The following PIEZO2 variants were observed in gnomAD, a reference collection of about 807,000 sequenced individuals.
The protein encoded by PIEZO2 is piezo-type mechanosensitive ion channel component 2.
In PIEZO2, 172 loss-of-function variants were observed where a neutral mutation model predicts 337.3. That is an observed-to-expected ratio of 0.51 (90% CI 0.45 to 0.58). PIEZO2 has a LOEUF of 0.58. Ranked by LOEUF, PIEZO2 falls within the 20% of genes least tolerant of loss-of-function variation. The pLI is 0.00. For synonymous variants in PIEZO2, 1,251 were observed against 1,228.5 expected, an observed-to-expected ratio of 1.02 and a Z score of -0.38; for missense variants, 3,028 against 3,391.3, an observed-to-expected ratio of 0.89 and a Z score of 2.66.
chr18:10,880,371 A>C (rs1219918218), intron 4 of PIEZO2, among the ~76,000 whole-genome samples: 1 of 152,194 alleles, frequency 6.6e-6, no homozygotes, highest in Non-Finnish European at 1.5e-5. Context: ...TCACCTTACA[A>C]AGTGACTTCT....
At chr18:10,730,210 A>G (rs1420630370) in intron 36 of PIEZO2, among the ~76,000 whole-genome samples, 3 of 152,214 alleles carry the variant, frequency 2.0e-5, no homozygotes, top group African/African-American at 4.8e-5. Context: ...CTACTTCACA[A>G]TACAACTCAT....
chr18:11,082,512 T>G (rs1483693804), intron 1 of PIEZO2, among the ~76,000 whole-genome samples: 1 of 151,998 alleles, frequency 6.6e-6, no homozygotes, highest in East Asian at 1.9e-4. Context: ...AGAGATGGGG[T>G]TTCACCGTGT....
chr18:11,144,016 CA>C (rs1292667324), intron 1 of PIEZO2, among the ~76,000 whole-genome samples: 3 of 152,192 alleles, frequency 2.0e-5, no homozygotes, highest in African/African-American at 4.8e-5. Flanking sequence ...CACAATCATA[CA>C]GTGAAGGGCA....
In PIEZO2 at chr18:11,092,408, TATCTC is replaced by T. The variant is rs568316406; in HGVS notation, c.65-26191_65-26187del. Among the ~76,000 whole-genome samples the T allele has an allele frequency of 1.0e-3, 157 of 152,346 alleles. No individual in the cohort carries two copies. Among genetic ancestry groups the T allele is most frequent in the African/African-American group, 3.3e-3 (137 of 41,586 alleles). ...AATTTTATTAAGATATGTGAAATGA[TATCTC>T]ATATTTGTTTGAAAAAAGCTATAGT... On this transcript the variant is annotated intron_variant, in intron 1 of 55. Transcript: ENST00000674853. The surrounding 1 kb of genome is among the most constrained non-coding windows in gnomAD (Gnocchi z 4.5).
chr18:10,803,669 T>C (rs907838909), intron 9 of PIEZO2, among the ~76,000 whole-genome samples: 3 of 152,214 alleles, frequency 2.0e-5, no homozygotes, highest in Non-Finnish European at 2.9e-5. Flanking sequence ...CACGGAAATA[T>C]AAAATGATGT....
chr18:11,122,313 C>T (rs112183819), intron 1 of PIEZO2, among the ~76,000 whole-genome samples: 1 of 152,204 alleles, frequency 6.6e-6, no homozygotes, highest in Admixed American at 6.5e-5. Context: ...CATTGATAGA[C>T]ATTATCAAGA....
At chr18:11,024,104 G>C (rs891956037) in intron 2 of PIEZO2, among the ~76,000 whole-genome samples, 10 of 152,338 alleles carry the variant, frequency 6.6e-5, no homozygotes, top group South Asian at 4.1e-4. Context: ...ACAGTGCAGC[G>C]GTGAGCTGAA....
In PIEZO2 at chr18:10,786,934, T is replaced by C. The variant is rs2039243747; in HGVS notation, c.2318+102A>G. ...TCTATTATTGAGGAACTTATAGACATTGATGACATCATGCTTTACTAAAAT... is the reference window on the plus strand; with the variant it reads ...TCTATTATTGAGGAACTTATAGACACTGATGACATCATGCTTTACTAAAAT... On this transcript the variant is annotated intron_variant, in intron 16 of 55. Coordinates refer to ENST00000674853, the MANE Select transcript of PIEZO2 (RefSeq NM_001378183.1). 8 of 1,136,490 alleles carry C rather than the reference T, an allele frequency of 7.0e-6. No individual in the cohort carries two copies. In the Admixed American group the frequency reaches 2.0e-4, roughly 28 times the overall value. The allele number at this position is 1,136,490 out of a possible 1,614,324, so 70.4% of individuals were successfully genotyped here. A position where few individuals can be genotyped will look rare whatever the true frequency, so the allele number is the denominator to read the frequency against.
intron 7 of PIEZO2, among the ~76,000 whole-genome samples, chr18:10,829,253 C>T (rs986164708): frequency 1.3e-5 from 2 of 151,544 alleles, no homozygotes; most frequent in African/African-American, 4.9e-5. Flanking sequence ...TGTTAAAATG[C>T]TGTACCAAAA....
At chr18:11,139,251 A>T (rs1385399058) in intron 1 of PIEZO2, among the ~76,000 whole-genome samples, 4 of 152,208 alleles carry the variant, frequency 2.6e-5, no homozygotes, top group Non-Finnish European at 5.9e-5. Context: ...CAGCTGAATG[A>T]CAGAGCCAAG....
In PIEZO2 at chr18:10,750,280, G is replaced by C; in HGVS notation, c.4168-93C>G. ...CCCAACATGTGCAAGAATTCACAAG[G>C]TCTCAGTGATAAGGATTCCAGGAGA... On this transcript the variant is annotated intron_variant, in intron 28 of 55. Coordinates refer to ENST00000674853, the MANE Select transcript of PIEZO2 (RefSeq NM_001378183.1). The surrounding 1 kb of genome is among the most constrained non-coding windows in gnomAD (Gnocchi z 4.1). The C allele has an allele frequency of 1.0e-5, 9 of 904,352 alleles. No homozygotes were observed. Among genetic ancestry groups the C allele is most frequent in the Non-Finnish European group, 1.6e-5 (9 of 575,352 alleles). 56.0% of individuals were successfully genotyped at this position (904,352 alleles called of 1,614,324 possible).
At chr18:10,839,602 C>T (rs1392170756) in intron 7 of PIEZO2, among the ~76,000 whole-genome samples, 15 of 152,168 alleles carry the variant, frequency 9.9e-5, no homozygotes, top group Admixed American at 9.8e-4. Context: ...TGGCTGGCCC[C>T]ATGTCTGGCT....
rs751711072 is a variant in PIEZO2, at chr18:11,129,945, T to C, written c.64+18580A>G. On this transcript the variant is annotated intron_variant, in intron 1 of 55. Coordinates refer to ENST00000674853, the MANE Select transcript of PIEZO2 (RefSeq NM_001378183.1). The surrounding 1 kb of genome is among the most constrained non-coding windows in gnomAD (Gnocchi z 4.6). ...GTCATTTCCCCAATGCCAGAATGCA[T>C]AATTGACATAGACATACTCAGCAGC... 7.9e-5 allele frequency among the ~76,000 whole-genome samples: 12 copies of C among 152,142 alleles called. No homozygotes were observed. The highest frequency in any genetic ancestry group is 1.6e-4 in the Non-Finnish European group (11 of 68,022).
intron 33 of PIEZO2, chr18:10,740,282 G>A (rs1264554525): frequency 6.6e-6 from 1 of 152,296 alleles, no homozygotes; most frequent in African/African-American, 2.4e-5. Flanking sequence ...ATGATCAGGA[G>A]GGAAACACAC....
intron 1 of PIEZO2, among the ~76,000 whole-genome samples, 172 bp from the exon 2 acceptor site, chr18:11,066,394 T>G (rs1389354572): frequency 6.6e-6 from 1 of 152,222 alleles, no homozygotes; most frequent in Non-Finnish European, 1.5e-5. Context: ...TCTATGTTCA[T>G]CACTGTGTTG....
Position 11,111,725 on chromosome 18 carries a change from C to CG in PIEZO2, c.64+36799dup, listed in dbSNP as rs2039743667. On this transcript the variant is annotated intron_variant, in intron 1 of 55. Transcript: ENST00000674853. The surrounding 1 kb of genome is among the most constrained non-coding windows in gnomAD (Gnocchi z 6.2). ...TCTTGAACTGACACCGTCACACCCT[C>CG]GGGGAATCCGTAGCCAGGCACCAGT... Among the ~76,000 whole-genome samples, 1 of 152,208 alleles carries CG rather than the reference C, an allele frequency of 6.6e-6. No homozygotes were observed. The highest frequency in any genetic ancestry group is 1.5e-5 in the Non-Finnish European group (1 of 68,050).
At chr18:10,910,555 C>G (rs2030384794) in intron 4 of PIEZO2, among the ~76,000 whole-genome samples, 1 of 151,628 alleles carries the variant, frequency 6.6e-6, no homozygotes, top group Non-Finnish European at 1.5e-5. Flanking sequence ...TGCACTCCAG[C>G]CTGGGTAACA....
rs762144766 is a variant in PIEZO2 at position 10,736,702 on chromosome 18, T to C, written c.4717A>G (p.Ser1573Gly). 4.6e-6 allele frequency: 7 copies of C among 1,536,234 alleles called. No individual in the cohort carries two copies. The Admixed American group carries it at 1.2e-4, about 26-fold the overall frequency. ...PWVDHASMVR[S>G]GDYYLFETDS... ...GTTTCAAACAAATAATAATCTCCAC[T>C]CCTGACCACTAAGCAAAACAAAATA... Residue 1573 changes from serine to glycine, a missense_variant, in exon 34 of 56, where the codon AGT (serine) becomes GGT (glycine). Ser to Gly is a moderately conservative substitution (Grantham distance 56, BLOSUM62 0). Around this residue, in one of 5 missense-constraint regions of PIEZO2, gnomAD observed 1,925 missense variants for 2,051.9 expected, o/e 0.94. Coordinates refer to ENST00000674853, the MANE Select transcript of PIEZO2 (RefSeq NM_001378183.1).
At chr18:10,927,529 A>T (rs538087942) in intron 3 of PIEZO2, among the ~76,000 whole-genome samples, 1 of 152,334 alleles carries the variant, frequency 6.6e-6, no homozygotes, top group Non-Finnish European at 1.5e-5. Flanking sequence ...TGAACATTAC[A>T]TTTACACAAA....
Sources: gnomAD v4.1 joint callset for allele counts (sites outside exome capture counted in the v4.1 genomes callset) on GRCh38, gnomAD v4.1.1 for gene constraint, gnomAD v4.1.1 regional missense constraint, Gnocchi (gnomAD v3.1) non-coding constraint, MANE v1.5 for transcripts, NCBI Gene and HGNC (gene_info 2026-07-23, HGNC 2026-07-21) for gene names.